CCDC181: variants seen among roughly 807,000 people sequenced by gnomAD.
CCDC181 encodes the protein coiled-coil domain-containing protein 181.
CCDC181 carries 35 observed loss-of-function variants against 58.7 expected under a neutral mutation model. The observed-to-expected ratio is 0.60, with a 90% CI of 0.46 to 0.79. CCDC181 has a LOEUF of 0.79. Ranked by LOEUF, CCDC181 falls within the 30% of genes least tolerant of loss-of-function variation. CCDC181 has a pLI of 0.00. For synonymous variants in CCDC181, 183 were observed against 197.5 expected (o/e 0.93, Z 0.62); for missense variants, 517 against 583.9 (o/e 0.89, Z 1.18).
rs544628897 is a variant in CCDC181, at chr1:169,450,093, G to A, written c.-24+9704C>T. 3.3e-5 allele frequency among the ~76,000 whole-genome samples: 5 copies of A among 152,214 alleles called. 1 individual carries two copies. Among genetic ancestry groups the A allele is most frequent in the African/African-American group, 1.2e-4 (5 of 41,538 alleles). On this transcript the variant is annotated intron_variant, in intron 2 of 6. Coordinates refer to the CCDC181 transcript ENST00000545005. Reference sequence around the variant, plus strand: ...CTTATGATTAAATTTCAATTTTTTAGTTGGCCTGTGTCCCTGGGCTGTGAC... The same window carrying A: ...CTTATGATTAAATTTCAATTTTTTAATTGGCCTGTGTCCCTGGGCTGTGAC...
At position 169,422,263 on chromosome 1, in the gene CCDC181, C is replaced by T. The variant is rs200582689; in HGVS notation, c.168G>A (p.Glu56=). The T allele has an allele frequency of 1.3e-6, 2 of 1,599,124 alleles. No individual in the cohort carries two copies. The highest frequency in any genetic ancestry group is 1.3e-5 in the African/African-American group (1 of 74,590). Residue 56 remains glutamate, a synonymous_variant, in exon 3 of 6, where the codon GAG becomes GAA. Transcript: ENST00000367806. ...GCCGTTTGGTGTGCTCCATTACTGT[C>T]TCATTCTCTTTTAAGTCTTGGTTAA... ...ENINQDLKEN[E]TVMEHTKRHS...
At chr1:169,440,088 C>T (rs951761611) in intron 2 of CCDC181, among the ~76,000 whole-genome samples, 4 of 152,110 alleles carry the variant, frequency 2.6e-5, no homozygotes, top group Non-Finnish European at 5.9e-5. Flanking sequence ...CATTTAGAGC[C>T]GTGGGTTTCC....
intron 4 of CCDC181, among the ~76,000 whole-genome samples, chr1:169,408,005 G>A (rs764942981): frequency 7.2e-5 from 11 of 152,306 alleles, no homozygotes; most frequent in South Asian, 2.1e-4. Flanking sequence ...CTGGGTGGCC[G>A]TTTGGGAAGA....
chr1:169,433,644 T>C (rs1272652009), intron 2 of CCDC181, among the ~76,000 whole-genome samples: 1 of 152,060 alleles, frequency 6.6e-6, no homozygotes, highest in Admixed American at 6.6e-5. Flanking sequence ...TATGGTCAAA[T>C]GATTTTTCAC....
At chr1:169,397,981 T>A (rs1294500266) in intron 4 of CCDC181, among the ~76,000 whole-genome samples, 1 of 152,214 alleles carries the variant, frequency 6.6e-6, no homozygotes, top group East Asian at 1.9e-4. Context: ...GTTGCCTATA[T>A]CTTGCATTTT....
At position 169,395,155 on chromosome 1, in the gene CCDC181, T is replaced by A. The variant is rs1404352610; in HGVS notation, c.1422A>T (p.Arg474Ser). 6.2e-7 allele frequency: 1 copy of A among 1,613,342 alleles called. No homozygotes were observed. The highest frequency in any genetic ancestry group is 1.7e-5 in the Admixed American group (1 of 59,856). ...MEKMAEQQAV[R>S]ERTRQLRLEA... ...CTAGTCGGAGCTGTCTAGTTCTCTC[T>A]CTGACAGCTTGTTGCTCTGCCATTT... The change falls in exon 6 of 6, where the codon AGA (arginine) becomes AGT (serine). Residue 474 changes from arginine to serine, a missense_variant. By Grantham distance (110) the Arg-to-Ser change is moderately radical (BLOSUM62 -1). Coordinates refer to ENST00000367806, the MANE Select transcript of CCDC181 (RefSeq NM_001300969.2).
chr1:169,410,598 A>T (rs1282884216), intron 4 of CCDC181, among the ~76,000 whole-genome samples: 1 of 152,208 alleles, frequency 6.6e-6, no homozygotes, highest in Non-Finnish European at 1.5e-5. Context: ...CATTCTTCTC[A>T]GCATCACATT....
At chr1:169,398,720 G>A (rs1481258183) in intron 4 of CCDC181, among the ~76,000 whole-genome samples, 1 of 152,154 alleles carries the variant, frequency 6.6e-6, no homozygotes, top group East Asian at 1.9e-4. Context: ...CTACTCTAAT[G>A]GACAGTGCAA....
At chr1:169,395,666 A>G (rs2102031032) in intron 5 of CCDC181, among the ~76,000 whole-genome samples, 1 of 152,320 alleles carries the variant, frequency 6.6e-6, no homozygotes, top group South Asian at 2.1e-4. Flanking sequence ...TAAGTCCACA[A>G]AATAGTTCTT....
intron 1 of CCDC181, among the ~76,000 whole-genome samples, chr1:169,425,949 A>G (rs998452548): frequency 3.3e-5 from 5 of 152,142 alleles, no homozygotes; most frequent in Non-Finnish European, 7.4e-5. Flanking sequence ...CACACACATG[A>G]AAACTAAAAT....
chr1:169,416,023 C>A (rs1286285095), intron 4 of CCDC181, among the ~76,000 whole-genome samples: 3 of 152,136 alleles, frequency 2.0e-5, no homozygotes. Context: ...ATTGGTCACC[C>A]CTCCCACGAG....
intron 4 of CCDC181, among the ~76,000 whole-genome samples, chr1:169,405,915 G>A (rs893417211): frequency 1.5e-4 from 23 of 150,830 alleles, no homozygotes; most frequent in Non-Finnish European, 2.5e-4. Flanking sequence ...TCTGACAAAG[G>A]GCTAATATCC....
intron 4 of CCDC181, among the ~76,000 whole-genome samples, chr1:169,404,013 A>G (rs1655510433): frequency 6.6e-6 from 1 of 152,234 alleles, no homozygotes; most frequent in South Asian, 2.1e-4. Context: ...ACAAACTACC[A>G]TCAGAGAATA....
chr1:169,400,522 G>A (rs888792221), intron 4 of CCDC181, among the ~76,000 whole-genome samples: 7 of 151,904 alleles, frequency 4.6e-5, no homozygotes, highest in South Asian at 2.1e-4. Context: ...TCAACAGATC[G>A]ATCCTAAGAT....
chr1:169,458,760 C>T (rs1444810339), intron 2 of CCDC181, among the ~76,000 whole-genome samples: 1 of 151,962 alleles, frequency 6.6e-6, no homozygotes, highest in Admixed American at 6.5e-5. Flanking sequence ...AATCATTAGA[C>T]TCTTAATCTG....
intron 5 of CCDC181, chr1:169,395,802 T>TG (rs1356106003): frequency 6.6e-6 from 1 of 151,714 alleles, no homozygotes; most frequent in African/African-American, 2.4e-5. Flanking sequence ...CATATATACC[T>TG]GGTATGTAAG....
At chr1:169,428,511 T>C (rs183516952), upstream of CCDC181, among the ~76,000 whole-genome samples, 170 of 152,336 alleles carry the variant, frequency 1.1e-3, no homozygotes, top group Middle Eastern at 3.4e-3. Flanking sequence ...CAGCTTTTTT[T>C]TTAAGTATCA....
chr1:169,458,126 A>G (rs1403583646), intron 2 of CCDC181, among the ~76,000 whole-genome samples: 1 of 150,870 alleles, frequency 6.6e-6, no homozygotes, highest in Non-Finnish European at 1.5e-5. Context: ...AGTGGCTACC[A>G]TATTGAAAAG....
rs556864131 is a variant in CCDC181 at position 169,402,353 on chromosome 1, G to A, written c.1216-4962C>T. On this transcript the variant is annotated intron_variant, in intron 4 of 5. Coordinates refer to ENST00000367806, the MANE Select transcript of CCDC181 (RefSeq NM_001300969.2). ...AAGAGCAACTCCAAGACACATAATT[G>A]TCAGATTTACTAAAGTTGAAATGAA... Among the ~76,000 whole-genome samples the A allele has an allele frequency of 1.2e-4, 18 of 152,240 alleles. No individual in the cohort carries two copies. The Middle Eastern group carries it at 0.017, about 144-fold the overall frequency.
Sources: allele counts gnomAD v4.1 joint callset (sites outside exome capture counted in the v4.1 genomes callset), GRCh38; gene constraint gnomAD v4.1.1; transcripts MANE v1.5; gene names NCBI Gene and HGNC (gene_info 2026-07-23, HGNC 2026-07-21).